Variants in ALDH1A3 observed in about 807,000 individuals in gnomAD.
ALDH1A3 encodes aldehyde dehydrogenase 1 family member A3, also known as retinaldehyde dehydrogenase 3.
ALDH1A3 carries 28 observed loss-of-function variants against 57.5 expected under a neutral mutation model. The observed-to-expected ratio is 0.49, with a 90% CI of 0.36 to 0.67. The LOEUF is 0.67. Ranked by LOEUF, ALDH1A3 falls within the 30% of genes least tolerant of loss-of-function variation. ALDH1A3 has a pLI of 0.00. For synonymous variants in ALDH1A3, 281 were observed against 264.8 expected, an observed-to-expected ratio of 1.06 and a Z score of -0.59; for missense variants, 507 against 669.4, an observed-to-expected ratio of 0.76 and a Z score of 2.68.
At position 100,912,965 on chromosome 15, in the gene ALDH1A3, T is replaced by C. The variant is rs2041894747; in HGVS notation, c.1467-1736T>C. ...CGAGGTCAGGAGATCGAGACCATCC[T>C]GGCTAACAAGGTGAAACCCCGTCTC... On this transcript the variant is annotated intron_variant, in intron 12 of 12. Coordinates refer to ENST00000329841, the MANE Select transcript of ALDH1A3 (RefSeq NM_000693.4). Among the ~76,000 whole-genome samples, 2 of 100,376 alleles carry C rather than the reference T, an allele frequency of 2.0e-5. 1 individual carries two copies. Among genetic ancestry groups the C allele is most frequent in the East Asian group, 7.8e-4 (2 of 2,560 alleles). The allele number at this position is 100,376 out of a possible 152,430, so 65.9% of individuals were successfully genotyped here. A position where few individuals can be genotyped will look rare whatever the true frequency, so the allele number is the denominator to read the frequency against.
Position 100,893,960 on chromosome 15 carries a change from T to A in ALDH1A3, c.544T>A (p.Phe182Ile), listed in dbSNP as rs747235458. The change falls in exon 6 of 13, where the codon TTC becomes ATC. Residue 182 changes from phenylalanine (F) to isoleucine (I), a missense_variant. Phe to Ile is a conservative substitution (Grantham distance 21, BLOSUM62 0). Transcript: ENST00000329841. The surrounding 1 kb of genome is among the most constrained non-coding windows in gnomAD (Gnocchi z 4.8). Reference sequence around the variant, plus strand: ...CCCCTGTGCTCTGTCGCAGTGGAACTTCCCCCTGCTGATGCTGGTGTGGAA... The same window carrying A: ...CCCCTGTGCTCTGTCGCAGTGGAACATCCCCCTGCTGATGCTGGTGTGGAA... ...GVCGAITPWN[F>I]PLLMLVWKLA... 2 of 1,614,102 alleles carry A rather than the reference T, an allele frequency of 1.2e-6. No individual in the cohort carries two copies. The highest frequency in any genetic ancestry group is 1.1e-5 in the South Asian group (1 of 91,076).
intron 11 of ALDH1A3, 145 bp downstream of exon 11, chr15:100,907,423 C>G: frequency 4.2e-6 from 4 of 959,884 alleles, no homozygotes; most frequent in Non-Finnish European, 6.0e-6. Context: ...ATCCTCATGA[C>G]CATCTTCTGA....
At chr15:100,890,788 C>T (rs1157688982) in intron 3 of ALDH1A3, among the ~76,000 whole-genome samples, 1 of 152,208 alleles carries the variant, frequency 6.6e-6, no homozygotes, top group African/African-American at 2.4e-5. Flanking sequence ...AATAAACTTG[C>T]AATTCCACTG....
chr15:100,890,403 G>A lies in ALDH1A3; in HGVS notation c.346-2107G>A, dbSNP rs28507582. Among the ~76,000 whole-genome samples, 1,074 of 152,266 alleles carry A rather than the reference G, an allele frequency of 7.1e-3. 16 individuals carry two copies. The highest frequency in any genetic ancestry group is 0.022 in the East Asian group (116 of 5,188). On this transcript the variant is annotated intron_variant, in intron 3 of 12. Coordinates refer to ENST00000329841, the MANE Select transcript of ALDH1A3 (RefSeq NM_000693.4). ...AGCGAGCACTTGGACTCACTCACCT[G>A]CATAATTTTTTTTAATAATTTCCCG...
chr15:100,895,806 G>T (rs893134974), intron 6 of ALDH1A3, 127 bp from the exon 7 acceptor site: 2 of 790,298 alleles, frequency 2.5e-6, no homozygotes, highest in Non-Finnish European at 4.2e-6. Context: ...TCTGGGTCCT[G>T]GGTAAATCCA....
Position 100,892,976 on chromosome 15 carries a change from G to A in ALDH1A3, c.507G>A (p.Glu169=). The A allele has an allele frequency of 6.2e-7, 1 of 1,614,114 alleles. No homozygotes were observed. Among genetic ancestry groups the A allele is most frequent in the African/African-American group, 1.3e-5 (1 of 75,020 alleles). The change falls in exon 5 of 13, where the codon GAG becomes GAA. Residue 169 remains glutamate, a synonymous_variant. Coordinates refer to ENST00000329841, the MANE Select transcript of ALDH1A3 (RefSeq NM_000693.4). The stretch of plus-strand genomic sequence containing the variant: ...ACGTCGTGTGCTTCACCAGGCATGA[G>A]CCCATTGGTGTCTGTGGGGCCATCA... ...DDNVVCFTRH[E]PIGVCGAITP...
chr15:100,902,931 T>G (rs1161617078), intron 9 of ALDH1A3, among the ~76,000 whole-genome samples: 4 of 152,238 alleles, frequency 2.6e-5, no homozygotes, highest in Non-Finnish European at 5.9e-5. Flanking sequence ...GAAGCCCCTG[T>G]GTCCCTTTTG....
chr15:100,902,324 A>G (rs1202599493), intron 9 of ALDH1A3, among the ~76,000 whole-genome samples: 1 of 152,206 alleles, frequency 6.6e-6, no homozygotes, highest in East Asian at 1.9e-4. Context: ...CTGAAAGCTC[A>G]CTAAAGCCGT....
At chr15:100,891,910 T>C (rs183163110) in intron 3 of ALDH1A3, among the ~76,000 whole-genome samples, 3 of 152,368 alleles carry the variant, frequency 2.0e-5, no homozygotes, top group Admixed American at 6.5e-5. Flanking sequence ...CTTCCGACTC[T>C]GCATCCGGCC....
rs200775146 is a variant in ALDH1A3, at chr15:100,887,727, T to C, written c.345+15T>C. 2.7e-3 allele frequency: 4,315 copies of C among 1,570,366 alleles called. 7 individuals are homozygous for C. The highest frequency in any genetic ancestry group is 3.3e-3 in the Non-Finnish European group (3,753 of 1,154,254). On this transcript the variant is annotated intron_variant, in intron 3 of 12. Transcript: ENST00000329841. The surrounding 1 kb of genome is among the most constrained non-coding windows in gnomAD (Gnocchi z 4.6). ...CCACCTTGGCCGTGAGTACATGCACTTGGGGGCCGGTGGGGGATGAGCCAG... is the reference window on the plus strand; with the variant it reads ...CCACCTTGGCCGTGAGTACATGCACCTGGGGGCCGGTGGGGGATGAGCCAG...
intron 10 of ALDH1A3, 133 bp downstream of exon 10, chr15:100,905,820 T>G: frequency 9.9e-7 from 1 of 1,012,762 alleles, no homozygotes; most frequent in Non-Finnish European, 1.4e-6. Flanking sequence ...TTGTCGTTGT[T>G]GTTTTTTCTG....
In ALDH1A3 at chr15:100,907,227, A is replaced by G. The variant is rs2041830985; in HGVS notation, c.1340A>G (p.Asn447Ser). The G allele has an allele frequency of 6.2e-7, 1 of 1,614,084 alleles. No homozygotes were observed. The highest frequency in any genetic ancestry group is 1.7e-5 in the Admixed American group (1 of 60,010). Residue 447 changes from asparagine (N) to serine (S), a missense_variant, in exon 11 of 13, where the codon AAT becomes AGT. Physicochemically the swap from Asn to Ser is conservative, Grantham distance 46. Around this residue, in one of 2 missense-constraint regions of ALDH1A3, gnomAD observed 432 missense variants for 608.4 expected, o/e 0.71. Coordinates refer to ENST00000329841, the MANE Select transcript of ALDH1A3 (RefSeq NM_000693.4). ...YGLTAAVFTK[N>S]LDKALKLASA... ...CTCACAGCAGCCGTGTTCACAAAAA[A>G]TCTCGACAAAGCCCTGAAGTTGGCT...
intron 12 of ALDH1A3, among the ~76,000 whole-genome samples, chr15:100,910,120 C>T (rs1027180485): frequency 1.3e-5 from 2 of 152,162 alleles, no homozygotes; most frequent in Non-Finnish European, 2.9e-5. Flanking sequence ...AATTGGGGTC[C>T]TGTCCCCCTC....
rs1412615134 is a variant in ALDH1A3 at position 100,914,743 on chromosome 15, C to A, written c.1509C>A (p.Val503=). 5.0e-6 allele frequency: 8 copies of A among 1,614,008 alleles called. No individual in the cohort carries two copies. The highest frequency in any genetic ancestry group is 6.8e-6 in the Non-Finnish European group (8 of 1,180,028). ...ALAEYTEVKT[V]TIKLGDKNP ...CCGAATACACAGAAGTGAAAACTGT[C>A]ACCATCAAACTTGGCGACAAGAACC... The change falls in exon 13 of 13, where the codon GTC becomes GTA. Residue 503 remains valine (V), a synonymous_variant. Transcript: ENST00000329841.
rs28480133 is a variant in ALDH1A3 at position 100,889,952 on chromosome 15, A to C, written c.345+2240A>C. Among the ~76,000 whole-genome samples, 1,076 of 152,298 alleles carry C rather than the reference A, an allele frequency of 7.1e-3. 16 individuals carry two copies. Among genetic ancestry groups the C allele is most frequent in the East Asian group, 0.022 (116 of 5,176 alleles). On this transcript the variant is annotated intron_variant, in intron 3 of 12. Coordinates refer to ENST00000329841, the MANE Select transcript of ALDH1A3 (RefSeq NM_000693.4). The surrounding 1 kb of genome is among the most constrained non-coding windows in gnomAD (Gnocchi z 5.1). ...CTCGATATGGTTTCCGTGCATGTTCATGGAGCGTGTTCTCTTGCCGGCTCA... is the reference window on the plus strand; with the variant it reads ...CTCGATATGGTTTCCGTGCATGTTCCTGGAGCGTGTTCTCTTGCCGGCTCA...
rs1235378947 is a variant in ALDH1A3, at chr15:100,887,831, C to T, written c.345+119C>T. 6.4e-6 allele frequency: 8 copies of T among 1,256,748 alleles called. No homozygotes were observed. Among genetic ancestry groups the T allele is most frequent in the Middle Eastern group, 2.8e-4 (1 of 3,516 alleles). 77.8% of individuals were successfully genotyped at this position (1,256,748 alleles called of 1,614,324 possible). On this transcript the variant is annotated intron_variant, in intron 3 of 12. Transcript: ENST00000329841. The surrounding 1 kb of genome is among the most constrained non-coding windows in gnomAD (Gnocchi z 4.6). Reference sequence around the variant, plus strand: ...GGTTTTGTGTGGTCGTGGGTCTGTTCCATCCTCTGAGACACGGCTCTCTGG... The same window carrying T: ...GGTTTTGTGTGGTCGTGGGTCTGTTTCATCCTCTGAGACACGGCTCTCTGG...
rs568559165 is a variant in ALDH1A3 at position 100,886,013 on chromosome 15, G to A, written c.204+642G>A. 4.6e-5 allele frequency among the ~76,000 whole-genome samples: 7 copies of A among 152,322 alleles called. No individual in the cohort carries two copies. The South Asian group carries it at 1.5e-3, about 32-fold the overall frequency. On this transcript the variant is annotated intron_variant, in intron 2 of 12. Coordinates refer to ENST00000329841, the MANE Select transcript of ALDH1A3 (RefSeq NM_000693.4). ...AATCTATTCTGAATGTCAGTGCAGA[G>A]GTAAAGCCCTTCCACTGAGGGCAGG...
intron 12 of ALDH1A3, chr15:100,914,034 C>T (rs1175432601): frequency 6.6e-6 from 1 of 152,240 alleles, no homozygotes; most frequent in Non-Finnish European, 1.5e-5. Flanking sequence ...TCACCTGAGC[C>T]CTGCAAGATT....
At chr15:100,896,320 G>T (rs1348477172) in intron 7 of ALDH1A3, among the ~76,000 whole-genome samples, 1 of 151,908 alleles carries the variant, frequency 6.6e-6, no homozygotes, top group African/African-American at 2.4e-5. Flanking sequence ...TTAAGATTAA[G>T]AGATAAATAA....
Sources: allele counts gnomAD v4.1 joint callset (sites outside exome capture counted in the v4.1 genomes callset), GRCh38; gene constraint gnomAD v4.1.1; regional missense constraint gnomAD v4.1.1; non-coding constraint Gnocchi (gnomAD v3.1); transcripts MANE v1.5; gene names NCBI Gene and HGNC (gene_info 2026-07-23, HGNC 2026-07-21).